Variants in MAP3K4 observed in about 807,000 individuals in gnomAD.
MAP3K4 encodes mitogen-activated protein kinase kinase kinase 4, also known as MAP three kinase 1.
In MAP3K4, 67 loss-of-function variants were observed where a neutral mutation model predicts 185.6. That is an observed-to-expected ratio of 0.36 (90% confidence interval 0.30 to 0.44). MAP3K4 has a LOEUF of 0.44. MAP3K4 is among the 20% of genes least tolerant of loss of function. The probability of loss-of-function intolerance (pLI) is 1.00; values close to 1 mark genes in which losing one functional copy is unlikely to be tolerated. For synonymous variants in MAP3K4, 702 were observed against 710.4 expected (o/e 0.99, Z 0.19); for missense variants, 1,551 against 1,995.1 (o/e 0.78, Z 4.24).
intron 1 of MAP3K4, among the ~76,000 whole-genome samples, chr6:161,009,079 G>T (rs560835046): frequency 2.5e-3 from 382 of 151,482 alleles, no homozygotes; most frequent in Non-Finnish European, 4.4e-3. Context: ...CCGCCTTGCA[G>T]GTTCAAGAGA....
At chr6:161,099,546 A>G (rs1777734824) in intron 17 of MAP3K4, among the ~76,000 whole-genome samples, 1 of 152,212 alleles carries the variant, frequency 6.6e-6, no homozygotes, top group African/African-American at 2.4e-5. Flanking sequence ...TTCATGGCAA[A>G]TATCTTCATA....
rs559800486 is a variant in MAP3K4 at position 161,054,432 on chromosome 6, G to C, written c.1707+4453G>C. ...GGCCTCCCAAAGTGCTGGGATGATA[G>C]GTGTGAGCCACCGCGCCCGGCCCAA... On this transcript the variant is annotated intron_variant, in intron 3 of 26. Transcript: ENST00000392142. The surrounding 1 kb of genome is among the most constrained non-coding windows in gnomAD (Gnocchi z 4.2). 1.5e-3 allele frequency among the ~76,000 whole-genome samples: 229 copies of C among 152,286 alleles called. 1 individual carries two copies. The highest frequency in any genetic ancestry group is 5.2e-3 in the African/African-American group (217 of 41,560).
intron 5 of MAP3K4, among the ~76,000 whole-genome samples, chr6:161,079,222 A>AAT (rs1400037541): frequency 6.6e-6 from 1 of 150,552 alleles, no homozygotes; most frequent in Non-Finnish European, 1.5e-5. Flanking sequence ...TCAAGAAAAA[A>AAT]AAAAAAAAAA....
intron 19 of MAP3K4, among the ~76,000 whole-genome samples, chr6:161,104,900 T>A (rs927260428): frequency 1.3e-5 from 2 of 152,128 alleles, no homozygotes; most frequent in Admixed American, 6.5e-5. Flanking sequence ...AATAAGAAAT[T>A]ATAACTGGAC....
Position 161,054,334 on chromosome 6 carries a change from T to C in MAP3K4, c.1707+4355T>C, listed in dbSNP as rs1784139861. On this transcript the variant is annotated intron_variant, in intron 3 of 26. Coordinates refer to ENST00000392142, the MANE Select transcript of MAP3K4 (RefSeq NM_005922.4). The surrounding 1 kb of genome is among the most constrained non-coding windows in gnomAD (Gnocchi z 4.2). Reference sequence around the variant, plus strand: ...TATGCCTGGCTAATTTTTGTATTTTTAGTAGAGATGGTGTTTCACCATGTT... The same window carrying C: ...TATGCCTGGCTAATTTTTGTATTTTCAGTAGAGATGGTGTTTCACCATGTT... Among the ~76,000 whole-genome samples, 1 of 152,090 alleles carries C rather than the reference T, an allele frequency of 6.6e-6. No homozygotes were observed. The highest frequency in any genetic ancestry group is 1.5e-5 in the Non-Finnish European group (1 of 68,018).
intron 3 of MAP3K4, among the ~76,000 whole-genome samples, chr6:161,050,206 G>A (rs1370462127): frequency 6.6e-6 from 1 of 152,174 alleles, no homozygotes; most frequent in Non-Finnish European, 1.5e-5. Context: ...GAGGGAATAA[G>A]TTCAACCACG....
intron 19 of MAP3K4, 135 bp downstream of exon 19, chr6:161,102,914 A>C: frequency 1.7e-6 from 1 of 588,372 alleles, no homozygotes; most frequent in Non-Finnish European, 3.0e-6. Flanking sequence ...TTGTGATCTC[A>C]CAGCTCTGAC....
At position 161,043,721 on chromosome 6, in the gene MAP3K4, G is replaced by T. The variant is rs568517244; in HGVS notation, c.344-4895G>T. Among the ~76,000 whole-genome samples the T allele has an allele frequency of 6.6e-6, 1 of 152,180 alleles. No homozygotes were observed. Among genetic ancestry groups the T allele is most frequent in the Non-Finnish European group, 1.5e-5 (1 of 68,028 alleles). On this transcript the variant is annotated intron_variant, in intron 2 of 26. Coordinates refer to ENST00000392142, the MANE Select transcript of MAP3K4 (RefSeq NM_005922.4). The surrounding 1 kb of genome is among the most constrained non-coding windows in gnomAD (Gnocchi z 4.3). ...ACTTTAGCAGGAACGCAGTGATTTCGAACATACACTGAAATTTGAGAAGCT... is the reference window on the plus strand; with the variant it reads ...ACTTTAGCAGGAACGCAGTGATTTCTAACATACACTGAAATTTGAGAAGCT...
Position 161,084,722 on chromosome 6 carries a change from G to A in MAP3K4, c.2372+105G>A, listed in dbSNP as rs1785617616. 10 of 604,364 alleles carry A rather than the reference G, an allele frequency of 1.7e-5. No homozygotes were observed. The highest frequency in any genetic ancestry group is 5.2e-4 in the Middle Eastern group (2 of 3,824). The allele number at this position is 604,364 out of a possible 1,614,324, so 37.4% of individuals were successfully genotyped here. ...TGTTCAAACCAAATTGTGTTGGCCTGGAAGAATTTGGGCAGTAGATGTAAA... is the reference window on the plus strand; with the variant it reads ...TGTTCAAACCAAATTGTGTTGGCCTAGAAGAATTTGGGCAGTAGATGTAAA... On this transcript the variant is annotated intron_variant, in intron 7 of 26. Coordinates refer to ENST00000392142, the MANE Select transcript of MAP3K4 (RefSeq NM_005922.4). This position sits in a 1 kb window ranked among gnomAD's most constrained non-coding sequence, Gnocchi z 4.6.
chr6:161,105,297 A>C (rs943638112), intron 19 of MAP3K4, among the ~76,000 whole-genome samples: 2 of 152,230 alleles, frequency 1.3e-5, no homozygotes, highest in Non-Finnish European at 2.9e-5. Context: ...GGCAATAGCT[A>C]ATATTTATTG....
chr6:161,012,996 A>G (rs1781918738), intron 1 of MAP3K4, among the ~76,000 whole-genome samples: 1 of 152,246 alleles, frequency 6.6e-6, no homozygotes, highest in Non-Finnish European at 1.5e-5. Flanking sequence ...ACCTCTCGGT[A>G]CATACCACAA....
Position 161,109,145 on chromosome 6 carries a change from A to G in MAP3K4, c.4236+286A>G. 1.4e-6 allele frequency: 1 copy of G among 738,326 alleles called. No individual in the cohort carries two copies. The highest frequency in any genetic ancestry group is 2.2e-6 in the Non-Finnish European group (1 of 461,468). 45.7% of individuals were successfully genotyped at this position (738,326 alleles called of 1,614,324 possible). A position where few individuals can be genotyped will look rare whatever the true frequency, so the allele number is the denominator to read the frequency against. On this transcript the variant is annotated intron_variant, in intron 22 of 26. Transcript: ENST00000392142. The surrounding 1 kb of genome is among the most constrained non-coding windows in gnomAD (Gnocchi z 5.7). ...AACGCCCCTTACACCACTTCTTGTG[A>G]CTTTTTTTCCGTTTTTTTGCTGAAC... is the stretch of plus-strand genomic sequence containing the variant.
intron 2 of MAP3K4, among the ~76,000 whole-genome samples, chr6:161,040,210 A>T (rs1398211983): frequency 6.6e-6 from 1 of 152,198 alleles, no homozygotes; most frequent in Non-Finnish European, 1.5e-5. Context: ...ATTTATCTTT[A>T]CTAAGGAGAA....
At chr6:161,047,029 TTGA>T (rs1223620967) in intron 2 of MAP3K4, among the ~76,000 whole-genome samples, 1 of 147,186 alleles carries the variant, frequency 6.8e-6, no homozygotes, top group Non-Finnish European at 1.5e-5. Context: ...CAGCTTATAA[TTGA>T]TGGTGTGTTC....
Position 161,070,874 on chromosome 6 carries a change from A to T in MAP3K4, c.1950+24A>T, listed in dbSNP as rs73593246. 1.9e-3 allele frequency: 2,979 copies of T among 1,566,564 alleles called. 56 individuals carry two copies. The African/African-American group carries it at 0.037, about 19-fold the overall frequency. On this transcript the variant is annotated intron_variant, in intron 4 of 26. Transcript: ENST00000392142. The surrounding 1 kb of genome is among the most constrained non-coding windows in gnomAD (Gnocchi z 4.5). Reference sequence around the variant, plus strand: ...AGGTTTGCTTCAAAGACTCTTTAAAATATTTAGCAATTATTATATTATCCT... The same window carrying T: ...AGGTTTGCTTCAAAGACTCTTTAAATTATTTAGCAATTATTATATTATCCT...
chr6:161,024,969 G>GTCCA (rs973553666), intron 1 of MAP3K4, among the ~76,000 whole-genome samples: 7 of 152,038 alleles, frequency 4.6e-5, no homozygotes, highest in Non-Finnish European at 8.8e-5. Flanking sequence ...CTGCCTATCT[G>GTCCA]TCCATCCATC....
In MAP3K4 at chr6:161,093,908, C is replaced by G. The variant is rs945263043; in HGVS notation, c.3427+57C>G. 2 of 1,292,504 alleles carry G rather than the reference C, an allele frequency of 1.5e-6. No individual in the cohort carries two copies. The highest frequency in any genetic ancestry group is 2.2e-6 in the Non-Finnish European group (2 of 898,642). The allele number at this position is 1,292,504 out of a possible 1,614,324, so 80.1% of individuals were successfully genotyped here. A position where few individuals can be genotyped will look rare whatever the true frequency, so the allele number is the denominator to read the frequency against. ...AACATAATGATTTGAGTGGACAGAT[C>G]CTCTTGTAATTGCAGTCGTTTAAAA... On this transcript the variant is annotated intron_variant, in intron 15 of 26. Transcript: ENST00000392142. This position sits in a 1 kb window ranked among gnomAD's most constrained non-coding sequence, Gnocchi z 5.2.
chr6:161,005,379 A>G (rs1008338923), intron 1 of MAP3K4, among the ~76,000 whole-genome samples: 8 of 152,044 alleles, frequency 5.3e-5, no homozygotes, highest in African/African-American at 1.5e-4. Flanking sequence ...GGCTCAAGCA[A>G]TCTGCCTGCC....
rs1583079865 is a variant in MAP3K4, at chr6:160,996,577, G to C, written c.152+4494G>C. ...CATTTGACCAGGTAGTATGTATGCT[G>C]TTTGAAGACTCTTTAACGTTGCCTA... On this transcript the variant is annotated intron_variant, in intron 1 of 26. Coordinates refer to ENST00000392142, the MANE Select transcript of MAP3K4 (RefSeq NM_005922.4). This position sits in a 1 kb window ranked among gnomAD's most constrained non-coding sequence, Gnocchi z 4.5. Among the ~76,000 whole-genome samples the C allele has an allele frequency of 6.6e-6, 1 of 152,130 alleles. No individual in the cohort carries two copies. Among genetic ancestry groups the C allele is most frequent in the Non-Finnish European group, 1.5e-5 (1 of 68,040 alleles).
Sources: allele counts gnomAD v4.1 joint callset (sites outside exome capture counted in the v4.1 genomes callset), GRCh38; gene constraint gnomAD v4.1.1; non-coding constraint Gnocchi (gnomAD v3.1); transcripts MANE v1.5; gene names NCBI Gene and HGNC (gene_info 2026-07-23, HGNC 2026-07-21).